The following ZEB1 variants were observed in gnomAD, a reference collection of about 807,000 sequenced individuals.
ZEB1 encodes the protein zinc finger E-box binding homeobox 1.
ZEB1 carries 21 observed loss-of-function variants against 84.9 expected under a neutral mutation model. The ratio of observed to expected loss-of-function variants is 0.25; its 90% CI spans 0.18 to 0.36. ZEB1 has a LOEUF of 0.36. ZEB1 is among the 10% of genes least tolerant of loss of function. ZEB1 has a pLI of 1.00. For synonymous variants in ZEB1, 420 were observed against 471.1 expected (o/e 0.89, Z 1.41); for missense variants, 1,104 against 1,330.2 (o/e 0.83, Z 2.65).
rs2073775082 is a variant in ZEB1, at chr10:31,527,906, T to C, written c.*642T>C. On this transcript the variant is annotated 3_prime_UTR_variant, in exon 9 of 9. Coordinates refer to ENST00000424869, the MANE Select transcript of ZEB1 (RefSeq NM_001174096.2). ...CGTATTATCATTTAAAGTGTATTGTTAGCCTTAAGAAAGCAGCTGATAGAA... is the reference window on the plus strand; with the variant it reads ...CGTATTATCATTTAAAGTGTATTGTCAGCCTTAAGAAAGCAGCTGATAGAA... 6.6e-6 allele frequency: 1 copy of C among 152,512 alleles called. No individual in the cohort carries two copies. The highest frequency in any genetic ancestry group is 6.5e-5 in the Admixed American group (1 of 15,284). 9.4% of individuals were successfully genotyped at this position (152,512 alleles called of 1,614,324 possible).
chr10:31,441,769 A>T (rs1228558013), intron 1 of ZEB1, among the ~76,000 whole-genome samples: 1 of 152,280 alleles, frequency 6.6e-6, no homozygotes, highest in Non-Finnish European at 1.5e-5. Context: ...TTCTCAAAAG[A>T]AGACATTTAT....
chr10:31,331,377 C>T (rs972042441), intron 1 of ZEB1, among the ~76,000 whole-genome samples: 13 of 152,048 alleles, frequency 8.5e-5, no homozygotes, highest in Admixed American at 5.9e-4. Context: ...TGAGCCACCA[C>T]GCCTGGCCCG....
chr10:31,449,003 T>A (rs1262415836), intron 1 of ZEB1, among the ~76,000 whole-genome samples: 1 of 152,010 alleles, frequency 6.6e-6, no homozygotes, highest in Non-Finnish European at 1.5e-5. Context: ...CGGGCGCCCC[T>A]CCCCCAGCCT....
chr10:31,511,375 A>G lies in ZEB1; in HGVS notation c.687+500A>G, dbSNP rs564773837. Among the ~76,000 whole-genome samples the G allele has an allele frequency of 1.4e-4, 22 of 152,232 alleles. 1 individual carries two copies. In the South Asian group the frequency reaches 4.4e-3, roughly 30 times the overall value. Reference sequence around the variant, plus strand: ...AGGGAGTTGCCTCCTCTAAAAATCTAAAGTTTAGATTTTTTTATTCTGAAG... The same window carrying G: ...AGGGAGTTGCCTCCTCTAAAAATCTGAAGTTTAGATTTTTTTATTCTGAAG... On this transcript the variant is annotated intron_variant, in intron 5 of 8. Transcript: ENST00000424869.
intron 2 of ZEB1, among the ~76,000 whole-genome samples, chr10:31,472,346 A>G (rs1422092578): frequency 6.6e-6 from 1 of 152,182 alleles, no homozygotes; most frequent in East Asian, 1.9e-4. Flanking sequence ...GAAGAATCAA[A>G]TAGATGCAAT....
chr10:31,495,027 G>T (rs1261885459), intron 2 of ZEB1, among the ~76,000 whole-genome samples: 1 of 151,950 alleles, frequency 6.6e-6, no homozygotes, highest in Admixed American at 6.6e-5. Context: ...GTAACATTTG[G>T]TCCAGTCATC....
Position 31,521,845 on chromosome 10 carries a change from T to G in ZEB1, c.2513T>G (p.Leu838Arg), listed in dbSNP as rs558439835. 3 of 1,613,814 alleles carry G rather than the reference T, an allele frequency of 1.9e-6. No homozygotes were observed. The South Asian group carries it at 3.3e-5, about 18-fold the overall frequency. ...CTAGCTGCCAATAAGCAAACGATTC[T>G]GATTCCCCAGGTGGCATACACCTAC... is the stretch of plus-strand genomic sequence containing the variant. ...RALAANKQTI[L>R]IPQVAYTYST... The change falls in exon 7 of 9, where the codon CTG becomes CGG. Residue 838 changes from leucine to arginine, a missense_variant. By Grantham distance (102) the Leu-to-Arg change is moderately radical. Coordinates refer to ENST00000424869, the MANE Select transcript of ZEB1 (RefSeq NM_001174096.2).
chr10:31,437,219 TTTAA>T (rs1160199042), intron 1 of ZEB1, among the ~76,000 whole-genome samples: 1 of 152,182 alleles, frequency 6.6e-6, no homozygotes, highest in Non-Finnish European at 1.5e-5. Flanking sequence ...TAATTTAGCA[TTTAA>T]TTATGTACTA....
At position 31,382,532 on chromosome 10, in the gene ZEB1, T is replaced by C. The variant is rs1157647678; in HGVS notation, c.58+63240T>C. On this transcript the variant is annotated intron_variant, in intron 1 of 8. Transcript: ENST00000424869. The stretch of plus-strand genomic sequence containing the variant: ...GGGCACTTAAAGGATATTTGTTCAG[T>C]GGTGTTGGATAGTACTATTCAGTGA... Among the ~76,000 whole-genome samples, 4 of 152,126 alleles carry C rather than the reference T, an allele frequency of 2.6e-5. No homozygotes were observed. In the South Asian group the frequency reaches 8.3e-4, roughly 32 times the overall value.
intron 3 of ZEB1, among the ~76,000 whole-genome samples, chr10:31,501,654 A>C (rs1003468352): frequency 6.6e-6 from 1 of 152,128 alleles, no homozygotes; most frequent in African/African-American, 2.4e-5. Context: ...GATAAATTCC[A>C]AGAGTCCCCC....
chr10:31,481,352 C>T (rs1457177049), intron 2 of ZEB1, among the ~76,000 whole-genome samples: 1 of 151,784 alleles, frequency 6.6e-6, no homozygotes. Context: ...GCAGTGACAC[C>T]CAGTAGTAGT....
chr10:31,418,015 A>G (rs1355526451), intron 1 of ZEB1, among the ~76,000 whole-genome samples: 1 of 152,010 alleles, frequency 6.6e-6, no homozygotes, highest in African/African-American at 2.4e-5. Flanking sequence ...AAACTTTTTT[A>G]GTAGAAGCAG....
chr10:31,511,099 G>GTTCAGGTAAGACCCT (rs1245459458), intron 5 of ZEB1, among the ~76,000 whole-genome samples: 1 of 152,160 alleles, frequency 6.6e-6, no homozygotes, highest in African/African-American at 2.4e-5. Context: ...TCAGTATTTT[G>GTTCAGGTAAGACCCT]TTCAGGTAAG....
intron 1 of ZEB1, among the ~76,000 whole-genome samples, chr10:31,410,439 C>T (rs1248733970): frequency 1.3e-5 from 2 of 152,168 alleles, no homozygotes; most frequent in Admixed American, 6.5e-5. Context: ...CCCCAATGTT[C>T]ATCAGGGATA....
upstream of ZEB1, chr10:31,318,849 G>C (rs534255498): frequency 5.8e-6 from 2 of 344,584 alleles, no homozygotes; most frequent in East Asian, 1.5e-4. Flanking sequence ...AGCCGCGGCG[G>C]GTGTGGCCAG....
chr10:31,412,360 T>A (rs1299272737), intron 1 of ZEB1, among the ~76,000 whole-genome samples: 1 of 152,184 alleles, frequency 6.6e-6, no homozygotes, highest in Non-Finnish European at 1.5e-5. Context: ...GCTGCACCCA[T>A]TAACTCATCA....
At chr10:31,495,741 C>T in intron 2 of ZEB1, 35 bp from the exon 3 acceptor site, 1 of 1,608,992 alleles carries the variant, frequency 6.2e-7, no homozygotes, top group Non-Finnish European at 8.5e-7. Flanking sequence ...ATTAGGAACA[C>T]TATAGATCTA....
intron 1 of ZEB1, among the ~76,000 whole-genome samples, chr10:31,369,851 CCA>C (rs2045379653): frequency 6.6e-6 from 1 of 152,180 alleles, no homozygotes; most frequent in Non-Finnish European, 1.5e-5. Context: ...TATCATTTCT[CCA>C]CACACTGTCC....
intron 1 of ZEB1, among the ~76,000 whole-genome samples, chr10:31,415,476 C>T (rs1036552362): frequency 3.3e-5 from 5 of 151,700 alleles, no homozygotes; most frequent in Non-Finnish European, 4.4e-5. Flanking sequence ...CGACCATGTT[C>T]GTTTTCTAAT....
Sources: gnomAD v4.1 joint callset for allele counts (sites outside exome capture counted in the v4.1 genomes callset) on GRCh38, gnomAD v4.1.1 for gene constraint, MANE v1.5 for transcripts, NCBI Gene and HGNC (gene_info 2026-07-23, HGNC 2026-07-21) for gene names.